The following STKLD1 variants were observed in gnomAD, a reference collection of about 807,000 sequenced individuals.
STKLD1 encodes the protein serine/threonine kinase-like domain-containing protein STKLD1.
In STKLD1, 79 loss-of-function variants were observed where a neutral mutation model predicts 80.4. The observed-to-expected ratio is 0.98, with a 90% CI of 0.82 to 1.19. STKLD1 has a LOEUF of 1.19. STKLD1 is among the 50% of genes most tolerant of loss of function. The pLI is 0.00. For synonymous variants in STKLD1, 393 were observed against 357.6 expected (o/e 1.10, Z -1.12); for missense variants, 841 against 856.0 (o/e 0.98, Z 0.22).
At chr9:133,392,719 G>GTGGA (rs1204358602) in intron 7 of STKLD1, among the ~76,000 whole-genome samples, 17 of 88,424 alleles carry the variant, frequency 1.9e-4, no homozygotes, top group East Asian at 3.1e-4. Flanking sequence ...GGATGGATGA[G>GTGGA]TGGATGGATG....
At chr9:133,395,061 A>G (rs1838524213) in intron 8 of STKLD1, among the ~76,000 whole-genome samples, 1 of 152,082 alleles carries the variant, frequency 6.6e-6, no homozygotes, top group Admixed American at 6.6e-5. Flanking sequence ...AAAACAAGGA[A>G]GCTCCCCTTC....
chr9:133,378,711 G>T (rs1175111041), intron 1 of STKLD1, among the ~76,000 whole-genome samples: 1 of 152,244 alleles, frequency 6.6e-6, no homozygotes, highest in Non-Finnish European at 1.5e-5. Flanking sequence ...GGTCACAGAG[G>T]TCTATAGAGA....
chr9:133,381,650 A>G (rs1239425018), intron 2 of STKLD1, among the ~76,000 whole-genome samples: 4 of 149,710 alleles, frequency 2.7e-5, no homozygotes, highest in African/African-American at 9.9e-5. Context: ...GGGTTTCTCC[A>G]TATTGGTCAG....
At position 133,389,246 on chromosome 9, in the gene STKLD1, GT is replaced by G; in HGVS notation, c.397-279del. 1.0e-6 allele frequency: 1 copy of G among 985,424 alleles called. No homozygotes were observed. Among genetic ancestry groups the G allele is most frequent in the South Asian group, 4.7e-5 (1 of 21,288 alleles). 61.0% of individuals were successfully genotyped at this position (985,424 alleles called of 1,614,324 possible). A position where few individuals can be genotyped will look rare whatever the true frequency, so the allele number is the denominator to read the frequency against. On this transcript the variant is annotated intron_variant, in intron 5 of 17. Transcript: ENST00000371957. The surrounding 1 kb of genome is among the most constrained non-coding windows in gnomAD (Gnocchi z 6.4). Reference sequence around the variant, plus strand: ...GGGGCAGCGCGGGCCACAGAGTAGGGTGCAGGGATGGGGCCCCTGCAGCACC... The same window carrying G: ...GGGGCAGCGCGGGCCACAGAGTAGGGGCAGGGATGGGGCCCCTGCAGCACC...
intron 7 of STKLD1, among the ~76,000 whole-genome samples, chr9:133,392,907 G>C (rs1838444861): frequency 7.9e-6 from 1 of 126,116 alleles, no homozygotes; most frequent in African/African-American, 3.1e-5. Flanking sequence ...TAGGTGGGTG[G>C]GTGGGTGGGT....
intron 12 of STKLD1, among the ~76,000 whole-genome samples, chr9:133,401,143 C>CTT (rs5901013): frequency 7.2e-6 from 1 of 138,008 alleles, no homozygotes; most frequent in Non-Finnish European, 1.6e-5. Flanking sequence ...TATTTAGTTA[C>CTT]TTTTTTTTTT....
At position 133,393,250 on chromosome 9, in the gene STKLD1, G is replaced by A. The variant is rs1262537807; in HGVS notation, c.584-1041G>A. Among the ~76,000 whole-genome samples, 14 of 146,588 alleles carry A rather than the reference G, an allele frequency of 9.6e-5. No homozygotes were observed. In the East Asian group the frequency reaches 2.9e-3, roughly 30 times the overall value. On this transcript the variant is annotated intron_variant, in intron 7 of 17. Coordinates refer to ENST00000371957, the MANE Select transcript of STKLD1 (RefSeq NM_153710.5). ...TGGTTGGACGGATGGATGAATGGGAGGGTAGGTAAGTGGATGGGTGGGCGG... is the reference window on the plus strand; with the variant it reads ...TGGTTGGACGGATGGATGAATGGGAAGGTAGGTAAGTGGATGGGTGGGCGG...
intron 2 of STKLD1, among the ~76,000 whole-genome samples, chr9:133,383,145 A>G (rs1838180371): frequency 7.6e-6 from 1 of 132,358 alleles, no homozygotes; most frequent in Non-Finnish European, 1.6e-5. Flanking sequence ...TGGTGATGGT[A>G]ATGATTTTGA....
intron 1 of STKLD1, among the ~76,000 whole-genome samples, chr9:133,377,392 C>T (rs973579702): frequency 1.3e-5 from 2 of 152,214 alleles, no homozygotes; most frequent in Admixed American, 6.5e-5. Flanking sequence ...TGGCCGGGCT[C>T]GGTGGCTCAC....
intron 5 of STKLD1, chr9:133,388,804 G>A (rs1473301331): frequency 1.0e-6 from 1 of 985,320 alleles, no homozygotes; most frequent in African/African-American, 1.7e-5. Context: ...ATGTACCCCT[G>A]AGGGGCTCTT....
chr9:133,388,735 T>G (rs1838318928), intron 5 of STKLD1: 1 of 985,250 alleles, frequency 1.0e-6, no homozygotes, highest in African/African-American at 1.7e-5. Context: ...TTTAGATCTT[T>G]CATCTACCCC....
Position 133,403,590 on chromosome 9 carries a change from A to G in STKLD1, c.1475-110A>G, listed in dbSNP as rs1838764215. The G allele has an allele frequency of 3.6e-6, 5 of 1,396,226 alleles. No homozygotes were observed. The Admixed American group carries it at 6.6e-5, about 18-fold the overall frequency. The allele number at this position is 1,396,226 out of a possible 1,614,324, so 86.5% of individuals were successfully genotyped here. On this transcript the variant is annotated intron_variant, in intron 14 of 17. Coordinates refer to ENST00000371957, the MANE Select transcript of STKLD1 (RefSeq NM_153710.5). ...GAGGACAGTTGACCTTTCCCACCCC[A>G]TTTCTGCTGTTGTCGTTAGCTGGAG...
chr9:133,383,639 T>C (rs1283384603), intron 2 of STKLD1, among the ~76,000 whole-genome samples: 1 of 98,778 alleles, frequency 1.0e-5, no homozygotes, highest in Non-Finnish European at 2.2e-5. Context: ...GGTGGTGTGA[T>C]GATGGTGATG....
chr9:133,404,745 T>C (rs781811091), intron 16 of STKLD1, 44 bp from the exon 17 acceptor site: 3 of 1,602,286 alleles, frequency 1.9e-6, no homozygotes, highest in Admixed American at 1.7e-5. Context: ...CTCTTCCCTT[T>C]CAGGGGAAAG....
rs1056627436 is a variant in STKLD1 at position 133,401,757 on chromosome 9, A to C, written c.1218A>C (p.Glu406Asp). The C allele has an allele frequency of 6.2e-7, 1 of 1,613,064 alleles. No individual in the cohort carries two copies. The highest frequency in any genetic ancestry group is 8.5e-7 in the Non-Finnish European group (1 of 1,179,894). Residue 406 changes from glutamate (E) to aspartate (D), a missense_variant, in exon 13 of 18, where the codon GAA becomes GAC. Transcript: ENST00000371957. ...LLGQALVHHP[E>D]AKAPCNQAIT... is the part of the protein sequence containing the mutation. The stretch of plus-strand genomic sequence containing the variant: ...GAGCAGCGCTGGTGCACCACCCGGA[A>C]GCCAAGGCTCCCTGCAACCAAGCCA...
chr9:133,401,834 T>C lies in STKLD1; in HGVS notation c.1295T>C (p.Leu432Pro). ...CAGAGCCACCCCGAGGAGGAGCCAC[T>C]TCTTGTCATGGTCTACAGCCTGCTA... Reference protein sequence around the residue: ...ALQSHPEEEPLLVMVYSLLAI... With the variant: ...ALQSHPEEEPPLVMVYSLLAI... The change falls in exon 13 of 18, where the codon CTT (leucine) becomes CCT (proline). Residue 432 changes from leucine to proline, a missense_variant. Leu to Pro is a moderately conservative substitution (Grantham distance 98, BLOSUM62 -3). Transcript: ENST00000371957. 6.2e-7 allele frequency: 1 copy of C among 1,613,684 alleles called. No homozygotes were observed. The highest frequency in any genetic ancestry group is 8.5e-7 in the Non-Finnish European group (1 of 1,179,996).
At chr9:133,378,826 C>A (rs2130258640) in intron 1 of STKLD1, among the ~76,000 whole-genome samples, 2 of 152,204 alleles carry the variant, frequency 1.3e-5, no homozygotes, top group Non-Finnish European at 2.9e-5. Flanking sequence ...GCTCCAGAAT[C>A]GGCCCCAAAT....
Position 133,394,751 on chromosome 9 carries a change from C to A in STKLD1, c.702+342C>A. 1 of 300,628 alleles carries A rather than the reference C, an allele frequency of 3.3e-6. No individual in the cohort carries two copies. The highest frequency in any genetic ancestry group is 4.6e-5 in the South Asian group (1 of 21,876). 18.6% of individuals were successfully genotyped at this position (300,628 alleles called of 1,614,324 possible). A position where few individuals can be genotyped will look rare whatever the true frequency, so the allele number is the denominator to read the frequency against. ...CATGAAGGCTGCACGGAGTTGCAAG[C>A]AACGGGAACCCAGTGTGGGCCTGAA... On this transcript the variant is annotated intron_variant, in intron 8 of 17. Transcript: ENST00000371957. This position sits in a 1 kb window ranked among gnomAD's most constrained non-coding sequence, Gnocchi z 4.9.
At chr9:133,387,966 C>T in intron 5 of STKLD1, 1 of 409,512 alleles carries the variant, frequency 2.4e-6, no homozygotes, top group East Asian at 7.1e-5. Context: ...TGCTGCCACT[C>T]TGCTGCCTGA....
Sources: gnomAD v4.1 joint callset for allele counts (sites outside exome capture counted in the v4.1 genomes callset) on GRCh38, gnomAD v4.1.1 for gene constraint, Gnocchi (gnomAD v3.1) non-coding constraint, MANE v1.5 for transcripts, NCBI Gene and HGNC (gene_info 2026-07-23, HGNC 2026-07-21) for gene names.